Variants in CALN1 observed in about 807,000 individuals in gnomAD.
CALN1 encodes the protein calneuron 1.
Under a neutral mutation model 30.6 loss-of-function variants are expected in CALN1, and 17 were observed. That is an observed-to-expected ratio of 0.56 (90% CI 0.38 to 0.83). The LOEUF is 0.83. Among genes scored for constraint, CALN1 ranks in the 40% least tolerant of loss-of-function variants. CALN1 has a pLI of 0.00. For missense variants in CALN1, 291 were observed against 354.9 expected (o/e 0.82, Z 1.45); for synonymous variants, 156 against 131.4 (o/e 1.19, Z -1.28).
At chr7:72,426,122 T>C (rs909115593) in intron 1 of CALN1, among the ~76,000 whole-genome samples, 1 of 152,200 alleles carries the variant, frequency 6.6e-6, no homozygotes, top group African/African-American at 2.4e-5. Flanking sequence ...GAATGCATTG[T>C]CCAGACTTGA....
intron 5 of CALN1, among the ~76,000 whole-genome samples, chr7:71,988,156 G>C (rs557270303): frequency 7.2e-5 from 11 of 152,312 alleles, no homozygotes; most frequent in African/African-American, 2.2e-4. Context: ...TACAGTACTT[G>C]TCATGTGTCA....
At chr7:72,157,802 G>A (rs1787811033) in intron 3 of CALN1, among the ~76,000 whole-genome samples, 1 of 152,190 alleles carries the variant, frequency 6.6e-6, no homozygotes, top group Admixed American at 6.5e-5. Flanking sequence ...GGAGTGCAGT[G>A]GCACAATCTC....
At chr7:72,419,520 G>T (rs72607600) in intron 1 of CALN1, among the ~76,000 whole-genome samples, 1 of 152,120 alleles carries the variant, frequency 6.6e-6, no homozygotes, top group East Asian at 1.9e-4. Context: ...GCATGAATAC[G>T]GGTGTCCCAG....
intron 6 of CALN1, among the ~76,000 whole-genome samples, chr7:71,792,302 C>T (rs959038453): frequency 6.6e-6 from 1 of 152,240 alleles, no homozygotes; most frequent in African/African-American, 2.4e-5. Flanking sequence ...CCCCAGTGAG[C>T]CAGCCGCAAC....
At chr7:72,493,351 T>G in the CALN1 span, among the ~76,000 whole-genome samples, 1 of 152,000 alleles carries the variant, frequency 6.6e-6, no homozygotes, top group Non-Finnish European at 1.5e-5. Context: ...TTTTTTTTTT[T>G]CCTTTGAGAC....
intron 5 of CALN1, among the ~76,000 whole-genome samples, chr7:71,872,889 C>T (rs889210768): frequency 1.3e-5 from 2 of 152,004 alleles, no homozygotes; most frequent in Non-Finnish European, 2.9e-5. Flanking sequence ...GCTGAGATTA[C>T]AAGCATGAGC....
At chr7:71,914,200 CTCT>C (rs1419920059) in intron 5 of CALN1, among the ~76,000 whole-genome samples, 9 of 152,170 alleles carry the variant, frequency 5.9e-5, no homozygotes, top group Non-Finnish European at 1.2e-4. Flanking sequence ...CCTCTCCCTC[CTCT>C]TAACCTCCAC....
intron 3 of CALN1, among the ~76,000 whole-genome samples, chr7:72,203,235 T>G (rs192054666): frequency 3.3e-5 from 5 of 152,198 alleles, no homozygotes; most frequent in Admixed American, 2.6e-4. Context: ...ACCTAATGCA[T>G]GCGGGGCTTA....
chr7:72,149,663 A>G (rs1327433413), intron 3 of CALN1, among the ~76,000 whole-genome samples: 1 of 151,572 alleles, frequency 6.6e-6, no homozygotes, highest in Non-Finnish European at 1.5e-5. Context: ...CCCATTCCCT[A>G]TTTTCAGGGA....
rs192760993 is a variant in CALN1, at chr7:72,354,136, G to A, written c.119+49115C>T. Reference sequence around the variant, plus strand: ...CAAGAGGGGGAGGTTGCAGTGAAACGAAATTGTGCCACTGCACTCCAGCCT... The same window carrying A: ...CAAGAGGGGGAGGTTGCAGTGAAACAAAATTGTGCCACTGCACTCCAGCCT... On this transcript the variant is annotated intron_variant, in intron 2 of 6. Coordinates refer to ENST00000395275, the MANE Select transcript of CALN1 (RefSeq NM_031468.4). Among the ~76,000 whole-genome samples the A allele has an allele frequency of 9.0e-3, 1,372 of 152,252 alleles. 19 individuals carry two copies. The highest frequency in any genetic ancestry group is 0.031 in the African/African-American group (1,291 of 41,538).
intron 2 of CALN1, among the ~76,000 whole-genome samples, chr7:72,292,523 A>G (rs900973169): frequency 1.3e-5 from 2 of 150,932 alleles, no homozygotes; most frequent in South Asian, 4.2e-4. Flanking sequence ...CATTGGCAAT[A>G]AGAATTTCAA....
chr7:72,173,553 A>G (rs987831586), intron 3 of CALN1, among the ~76,000 whole-genome samples: 1 of 152,212 alleles, frequency 6.6e-6, no homozygotes, highest in Admixed American at 6.5e-5. Flanking sequence ...GCTGATCTCA[A>G]GACTTATTCT....
intron 2 of CALN1, among the ~76,000 whole-genome samples, chr7:72,396,870 T>A (rs1005293243): frequency 6.6e-6 from 1 of 152,192 alleles, no homozygotes; most frequent in Non-Finnish European, 1.5e-5. Context: ...CATCTATCTG[T>A]GTCCCATATC....
At chr7:72,487,109 G>A in the CALN1 span, among the ~76,000 whole-genome samples, 1 of 152,080 alleles carries the variant, frequency 6.6e-6, no homozygotes, top group African/African-American at 2.4e-5. Context: ...GGAGTACAGT[G>A]GTGTGATCAT....
At chr7:71,859,410 T>C (rs899626277) in intron 5 of CALN1, among the ~76,000 whole-genome samples, 3 of 152,216 alleles carry the variant, frequency 2.0e-5, no homozygotes, top group East Asian at 1.9e-4. Flanking sequence ...CCACTCTTCA[T>C]GTTGATGTGT....
chr7:72,479,768 C>T, the CALN1 span, among the ~76,000 whole-genome samples: 1 of 152,120 alleles, frequency 6.6e-6, no homozygotes, highest in Non-Finnish European at 1.5e-5. Context: ...CCAGGCTGGT[C>T]TGGAACTCCT....
At chr7:72,441,214 C>T (rs1183452185) in intron 1 of CALN1, among the ~76,000 whole-genome samples, 1 of 152,024 alleles carries the variant, frequency 6.6e-6, no homozygotes, top group Non-Finnish European at 1.5e-5. Flanking sequence ...TCAGTAGGAG[C>T]TAAGGGAAGA....
the CALN1 span, among the ~76,000 whole-genome samples, chr7:72,466,887 AAAAG>A: frequency 6.6e-6 from 1 of 151,982 alleles, no homozygotes; most frequent in Non-Finnish European, 1.5e-5. Context: ...GGAAAGAAAG[AAAAG>A]AAAAAGAAAG....
chr7:72,050,479 C>T (rs1185277100), intron 4 of CALN1, among the ~76,000 whole-genome samples: 2 of 152,044 alleles, frequency 1.3e-5, no homozygotes, highest in African/African-American at 2.4e-5. Flanking sequence ...AATAAGCAGA[C>T]CTCATTCTCC....
Sources: allele counts gnomAD v4.1 joint callset (sites outside exome capture counted in the v4.1 genomes callset), GRCh38; gene constraint gnomAD v4.1.1; transcripts MANE v1.5; gene names NCBI Gene and HGNC (gene_info 2026-07-23, HGNC 2026-07-21).